The following ILDR2 variants were observed in gnomAD, a reference collection of about 807,000 sequenced individuals.
ILDR2 encodes the protein immunoglobulin like domain containing receptor 2, also known as immunoglobulin-like domain-containing receptor 2.
A neutral mutation model predicts 66.8 loss-of-function variants in ILDR2; 25 were observed. That is an observed-to-expected ratio of 0.37 (90% CI 0.27 to 0.52). The LOEUF (loss-of-function observed/expected upper bound fraction) is 0.52, where lower values mean the gene tolerates loss of function less well. Among genes scored for constraint, ILDR2 ranks in the 20% least tolerant of loss-of-function variants. The pLI is 0.88. For synonymous variants in ILDR2, 367 were observed against 357.2 expected (o/e 1.03, Z -0.31); for missense variants, 827 against 876.8 (o/e 0.94, Z 0.72).
At chr1:166,904,370 A>G (rs1475264470), downstream of ILDR2, among the ~76,000 whole-genome samples, 2 of 152,168 alleles carry the variant, frequency 1.3e-5, no homozygotes, top group Non-Finnish European at 2.9e-5. Context: ...TTACCACTGC[A>G]TGTTAGTAGG....
chr1:166,938,376 T>C (rs1233457556), intron 4 of ILDR2, among the ~76,000 whole-genome samples: 4 of 152,216 alleles, frequency 2.6e-5, no homozygotes, highest in Admixed American at 6.5e-5. Context: ...TTTAGCCATA[T>C]GGGGCCAGAT....
chr1:166,945,762 A>T (rs1290084836), intron 3 of ILDR2, among the ~76,000 whole-genome samples: 1 of 152,244 alleles, frequency 6.6e-6, no homozygotes, highest in East Asian at 1.9e-4. Context: ...CATTTCCTTT[A>T]TCTTTATGAC....
In ILDR2 at chr1:166,917,106, C is replaced by G. The variant is rs1216104820; in HGVS notation, c.*2249G>C. 6.6e-6 allele frequency: 1 copy of G among 152,196 alleles called. No individual in the cohort carries two copies. The highest frequency in any genetic ancestry group is 1.5e-5 in the Non-Finnish European group (1 of 68,048). The allele number at this position is 152,196 out of a possible 1,614,324, so 9.4% of individuals were successfully genotyped here. On this transcript the variant is annotated 3_prime_UTR_variant, in exon 10 of 10. Coordinates refer to ENST00000271417, the MANE Select transcript of ILDR2 (RefSeq NM_199351.3). ...TGGGGTCCAAACAGACAGGCTAGAC[C>G]TAGGCTTTCAGAGGCCAGGGACACC...
chr1:166,946,593 G>A (rs1661626301), intron 3 of ILDR2, among the ~76,000 whole-genome samples: 1 of 152,160 alleles, frequency 6.6e-6, no homozygotes, highest in South Asian at 2.1e-4. Context: ...GGATCTTAGA[G>A]GTCATCTAGT....
intron 1 of ILDR2, among the ~76,000 whole-genome samples, chr1:166,959,230 T>C (rs1274260424): frequency 6.6e-6 from 1 of 152,200 alleles, no homozygotes; most frequent in Non-Finnish European, 1.5e-5. Flanking sequence ...ACTTCCTCCT[T>C]TGTGCTATCA....
chr1:166,925,997 A>T (rs1660257961), intron 7 of ILDR2, among the ~76,000 whole-genome samples: 1 of 152,234 alleles, frequency 6.6e-6, no homozygotes. Flanking sequence ...TGACATCTGC[A>T]TTCCTGACAT....
At position 166,921,094 on chromosome 1, in the gene ILDR2, G is replaced by A. The variant is rs775519532; in HGVS notation, c.1497C>T (p.Pro499=). The stretch of plus-strand genomic sequence containing the variant: ...CGTCCTCGGCGGGTCTGCGGCGCGC[G>A]GGGCTGAAGGCCCAGCCGCGGTCAG... ...TDADRGWAFS[P]ARRRPAEDAH... is the part of the protein sequence containing the mutation. Residue 499 remains proline, a synonymous_variant, in exon 9 of 10, where the codon CCC becomes CCT. Transcript: ENST00000271417. This position sits in a 1 kb window ranked among gnomAD's most constrained non-coding sequence, Gnocchi z 5.3. The A allele has an allele frequency of 2.0e-6, 3 of 1,494,608 alleles. No individual in the cohort carries two copies. The highest frequency in any genetic ancestry group is 1.3e-5 in the South Asian group (1 of 78,248). 92.6% of individuals were successfully genotyped at this position (1,494,608 alleles called of 1,614,324 possible).
At chr1:166,932,269 T>C (rs748110333) in intron 6 of ILDR2, among the ~76,000 whole-genome samples, 3 of 152,234 alleles carry the variant, frequency 2.0e-5, no homozygotes, top group Non-Finnish European at 2.9e-5. Flanking sequence ...TAGCAAGAGC[T>C]GGTTTCTGGA....
At chr1:166,925,213 C>T (rs1297939398) in intron 7 of ILDR2, among the ~76,000 whole-genome samples, 1 of 152,164 alleles carries the variant, frequency 6.6e-6, no homozygotes, top group Non-Finnish European at 1.5e-5. Flanking sequence ...TACTCTCCTG[C>T]CCCAACCTGA....
At position 166,957,971 on chromosome 1, in the gene ILDR2, C is replaced by T; in HGVS notation, c.177G>A (p.Lys59=). Residue 59 remains lysine (K), a synonymous_variant, in exon 2 of 10, where the codon AAG becomes AAA. Transcript: ENST00000271417. ...CTCCCATGCGATCCTGGCAGTAGGA[C>T]TTGAACTTCCACTGCACAACTGCAG... The part of the protein sequence containing the change: ...HQPAVVQWKF[K]SYCQDRMGES... 1 of 1,614,170 alleles carries T rather than the reference C, an allele frequency of 6.2e-7. No homozygotes were observed. Among genetic ancestry groups the T allele is most frequent in the African/African-American group, 1.3e-5 (1 of 75,036 alleles).
At position 166,975,333 on chromosome 1, in the gene ILDR2, C is replaced by T. The variant is rs1309744805; in HGVS notation, c.-65G>A. The T allele has an allele frequency of 2.1e-6, 3 of 1,446,868 alleles. No homozygotes were observed. The highest frequency in any genetic ancestry group is 1.8e-4 in the Middle Eastern group (1 of 5,554). 89.6% of individuals were successfully genotyped at this position (1,446,868 alleles called of 1,614,324 possible). A position where few individuals can be genotyped will look rare whatever the true frequency, so the allele number is the denominator to read the frequency against. ...TGGGAAATGGCTGGAACAGAAGGAT[C>T]GCTGTCACCCCGCGGCAGCGGGCGG... On this transcript the variant is annotated 5_prime_UTR_variant, in exon 1 of 10. Transcript: ENST00000271417.
rs1231498135 is a variant in ILDR2, at chr1:166,908,743, A to T, written c.*10612T>A. On this transcript the variant is annotated 3_prime_UTR_variant, in exon 10 of 10. Coordinates refer to ENST00000271417, the MANE Select transcript of ILDR2 (RefSeq NM_199351.3). ...GACACAGAGATGGATTTCTAAATTCAGAACGAGACAAGTATAACCAAGGAC... is the reference window on the plus strand; with the variant it reads ...GACACAGAGATGGATTTCTAAATTCTGAACGAGACAAGTATAACCAAGGAC... The T allele has an allele frequency of 1.3e-5, 2 of 152,276 alleles. No individual in the cohort carries two copies. Among genetic ancestry groups the T allele is most frequent in the Non-Finnish European group, 2.9e-5 (2 of 68,068 alleles). The allele number at this position is 152,276 out of a possible 1,614,324, so 9.4% of individuals were successfully genotyped here. A position where few individuals can be genotyped will look rare whatever the true frequency, so the allele number is the denominator to read the frequency against.
Position 166,913,116 on chromosome 1 carries a change from A to G in ILDR2, c.*6239T>C, listed in dbSNP as rs1659508341. 6.6e-6 allele frequency: 1 copy of G among 152,234 alleles called. No individual in the cohort carries two copies. The highest frequency in any genetic ancestry group is 6.5e-5 in the Admixed American group (1 of 15,274). The allele number at this position is 152,234 out of a possible 1,614,324, so 9.4% of individuals were successfully genotyped here. A position where few individuals can be genotyped will look rare whatever the true frequency, so the allele number is the denominator to read the frequency against. On this transcript the variant is annotated 3_prime_UTR_variant, in exon 10 of 10. Transcript: ENST00000271417. ...TTACAACAATCAGAGAAGGACATGT[A>G]TCATATGATTCTTTCTCTTGCTGAG...
At chr1:166,951,045 A>G (rs1444672649) in intron 3 of ILDR2, among the ~76,000 whole-genome samples, 1 of 152,132 alleles carries the variant, frequency 6.6e-6, no homozygotes, top group East Asian at 1.9e-4. Flanking sequence ...CCTGCCTGAC[A>G]TTGTTTTCTT....
intron 6 of ILDR2, among the ~76,000 whole-genome samples, chr1:166,929,822 T>C (rs1054585035): frequency 1.3e-5 from 2 of 152,198 alleles, no homozygotes; most frequent in East Asian, 1.9e-4. Flanking sequence ...GGGCGGTTTA[T>C]TGGAGAATTT....
rs185659755 is a variant in ILDR2 at position 166,896,278 on chromosome 1, A to G, written n.172-177T>C. On this transcript the variant is annotated intron_variant and non_coding_transcript_variant, in intron 2 of 2. Transcript: ENST00000414590. ...AGAATGGTCTATTTGGAGGAAGAGC[A>G]GATGGTTTGGTGTGGCCAGAGAAGG... Among the ~76,000 whole-genome samples the G allele has an allele frequency of 7.8e-4, 119 of 152,314 alleles. 1 individual carries two copies. Among genetic ancestry groups the G allele is most frequent in the Admixed American group, 6.5e-3 (100 of 15,298 alleles).
chr1:166,914,758 C>T lies in ILDR2; in HGVS notation c.*4597G>A, dbSNP rs1659579284. On this transcript the variant is annotated 3_prime_UTR_variant, in exon 10 of 10. Coordinates refer to ENST00000271417, the MANE Select transcript of ILDR2 (RefSeq NM_199351.3). ...AGGATAATGGCAGAAAAAAGCGAGGCACTTTTTCCTTCTAGGACTTTATGT... is the reference window on the plus strand; with the variant it reads ...AGGATAATGGCAGAAAAAAGCGAGGTACTTTTTCCTTCTAGGACTTTATGT... 1 of 152,164 alleles carries T rather than the reference C, an allele frequency of 6.6e-6. No homozygotes were observed. The highest frequency in any genetic ancestry group is 2.4e-5 in the African/African-American group (1 of 41,432). The allele number at this position is 152,164 out of a possible 1,614,324, so 9.4% of individuals were successfully genotyped here. A position where few individuals can be genotyped will look rare whatever the true frequency, so the allele number is the denominator to read the frequency against.
rs138973116 is a variant in ILDR2 at position 166,923,818 on chromosome 1, T to C, written c.995-1009A>G. 6.3e-3 allele frequency among the ~76,000 whole-genome samples: 962 copies of C among 152,366 alleles called. 8 individuals carry two copies. Among genetic ancestry groups the C allele is most frequent in the African/African-American group, 0.022 (895 of 41,588 alleles). ...TGAAATGTATTGAATTTCATTGTACTTAAAAAATAAATCTACTGAATCTAT... is the reference window on the plus strand; with the variant it reads ...TGAAATGTATTGAATTTCATTGTACCTAAAAAATAAATCTACTGAATCTAT... On this transcript the variant is annotated intron_variant, in intron 7 of 9. Coordinates refer to ENST00000271417, the MANE Select transcript of ILDR2 (RefSeq NM_199351.3).
rs1659765932 is a variant in ILDR2 at position 166,919,356 on chromosome 1, C to T, written c.1919G>A (p.Ter640=). The T allele has an allele frequency of 6.2e-7, 1 of 1,612,530 alleles. No individual in the cohort carries two copies. The highest frequency in any genetic ancestry group is 8.5e-7 in the Non-Finnish European group (1 of 1,178,746). Residue 640 remains the stop codon, a stop_retained_variant, in exon 10 of 10, where the codon TGA becomes TAA. Coordinates refer to ENST00000271417, the MANE Select transcript of ILDR2 (RefSeq NM_199351.3). ...DFPTRMSLVV[*] The stretch of plus-strand genomic sequence containing the variant: ...TTATCCAGAGAAATGTTGACAACAT[C>T]AGACCACAAGGGACATCCTGGTTGG...
Sources: gnomAD v4.1 joint callset for allele counts (sites outside exome capture counted in the v4.1 genomes callset) on GRCh38, gnomAD v4.1.1 for gene constraint, Gnocchi (gnomAD v3.1) non-coding constraint, MANE v1.5 for transcripts, NCBI Gene and HGNC (gene_info 2026-07-23, HGNC 2026-07-21) for gene names.